The following DMD variants were observed in gnomAD, a reference collection of about 807,000 sequenced individuals.
DMD encodes mutant dystrophin.
In DMD, 63 loss-of-function variants were observed where a neutral mutation model predicts 330.1. The ratio of observed to expected loss-of-function variants is 0.19; its 90% CI spans 0.16 to 0.24. The LOEUF is 0.24. Ranked by LOEUF, DMD falls within the 10% of genes least tolerant of loss-of-function variation. The pLI, the probability that DMD is intolerant of heterozygous loss-of-function variation, is 1.00. For synonymous variants in DMD, 1,223 were observed against 959.8 expected, an observed-to-expected ratio of 1.27 and a Z score of -5.07; for missense variants, 3,344 against 2,684.1, an observed-to-expected ratio of 1.25 and a Z score of -5.43.
At chrX:32,877,619 C>A (rs1244450828) in intron 2 of DMD, among the ~76,000 whole-genome samples, 1 of 111,932 alleles carries the variant, frequency 8.9e-6, no homozygotes, top group Non-Finnish European at 1.9e-5. Context: ...ACCTCCTTGG[C>A]TTTTGTGGTC....
intron 43 of DMD, among the ~76,000 whole-genome samples, chrX:32,240,370 A>G (rs2097203600): frequency 9.0e-6 from 1 of 111,433 alleles, no homozygotes; most frequent in African/African-American, 3.3e-5. Context: ...GTACCCTTAC[A>G]AAAGAGGCCC....
chrX:31,801,590 C>G (rs1032112522), intron 50 of DMD, among the ~76,000 whole-genome samples: 2 of 89,874 alleles, frequency 2.2e-5, no homozygotes, highest in Non-Finnish European at 4.5e-5. Context: ...TCCCCCCCCC[C>G]CAACACACAC....
chrX:31,315,339 C>T (rs1299592428), intron 62 of DMD, among the ~76,000 whole-genome samples: 1 of 111,914 alleles, frequency 8.9e-6, no homozygotes, highest in Non-Finnish European at 1.9e-5. Context: ...AAAAGGAAAG[C>T]CAATTAACAT....
chrX:33,336,233 CT>C (rs1309028539), intron 1 of DMD, among the ~76,000 whole-genome samples: 1,871 of 87,393 alleles, frequency 0.021, 14 homozygotes, highest in African/African-American at 0.024. Context: ...ACAGTTCTGA[CT>C]TTTTTTTTTT....
At chrX:32,707,965 C>G (rs2064833958) in intron 7 of DMD, among the ~76,000 whole-genome samples, 1 of 111,925 alleles carries the variant, frequency 8.9e-6, no homozygotes. Context: ...TTGCTTTTGA[C>G]CTAACCAAAT....
intron 44 of DMD, among the ~76,000 whole-genome samples, chrX:31,991,555 A>G (rs1478670525): frequency 9.1e-6 from 1 of 110,384 alleles, no homozygotes; most frequent in Admixed American, 9.8e-5. Flanking sequence ...ATACGGAGAT[A>G]TCCACATGTC....
At chrX:32,252,911 AATAT>A (rs1175848562) in intron 43 of DMD, among the ~76,000 whole-genome samples, 2 of 80,466 alleles carry the variant, frequency 2.5e-5, no homozygotes, top group African/African-American at 5.1e-5. Flanking sequence ...TATATACATA[AATAT>A]ATATAGATAT....
Position 31,261,012 on chromosome X carries a change from C to T in DMD, c.9229G>A (p.Glu3077Lys), listed in dbSNP as rs2147649555. ...PNKVPYYINH[E>K]TQTTCWDHPK... Reference sequence around the variant, plus strand: ...TGGTCCCAGCAAGTTGTTTGAGTCTCGTGGCTAAAACACAAAACATAAAGA... The same window carrying T: ...TGGTCCCAGCAAGTTGTTTGAGTCTTGTGGCTAAAACACAAAACATAAAGA... Residue 3077 changes from glutamate to lysine, a missense_variant, in exon 63 of 79, where the codon GAG becomes AAG. Physicochemically the swap from Glu to Lys is moderately conservative, Grantham distance 56 (BLOSUM62 1). Transcript: ENST00000357033. 1.7e-6 allele frequency: 2 copies of T among 1,209,514 alleles called. No homozygotes were observed. The highest frequency in any genetic ancestry group is 1.1e-6 in the Non-Finnish European group (1 of 894,031).
intron 21 of DMD, among the ~76,000 whole-genome samples, chrX:32,475,157 GT>G: frequency 9.0e-6 from 1 of 110,892 alleles, no homozygotes; most frequent in East Asian, 2.8e-4. Flanking sequence ...TTGAAGATCA[GT>G]TTGTGTAAGT....
At chrX:31,820,775 T>G (rs58522970) in intron 49 of DMD, among the ~76,000 whole-genome samples, 2,333 of 111,570 alleles carry the variant, frequency 0.021, 60 homozygotes, top group African/African-American at 0.072. Flanking sequence ...CCCCGTGGCA[T>G]AAGGCAAGCC....
intron 67 of DMD, among the ~76,000 whole-genome samples, chrX:31,190,911 C>A (rs1290327988): frequency 9.0e-6 from 1 of 111,614 alleles, no homozygotes; most frequent in Non-Finnish European, 1.9e-5. Context: ...CTCTACAACA[C>A]AGAAACTGGG....
At chrX:32,363,240 C>T (rs1569559769) in intron 36 of DMD, among the ~76,000 whole-genome samples, 1 of 111,478 alleles carries the variant, frequency 9.0e-6, no homozygotes, top group South Asian at 3.8e-4. Context: ...TTATTTAGTC[C>T]GAGGAAGGAC....
chrX:32,390,079 C>A lies in DMD; in HGVS notation c.4336G>T (p.Val1446Phe). 2.5e-6 allele frequency: 3 copies of A among 1,204,200 alleles called. No individual in the cohort carries two copies. Among genetic ancestry groups the A allele is most frequent in the Non-Finnish European group, 3.4e-6 (3 of 888,749 alleles). ...TCTGAAATAACATATACCTGTGCAA[C>A]ATCAATCTGAGACAGGACTCTTTGG... is the stretch of plus-strand genomic sequence containing the variant. ...AAQRVLSQID[V>F]AQKKLQDVSM... The change falls in exon 31 of 79, where the codon GTT (valine) becomes TTT (phenylalanine). Residue 1446 changes from valine to phenylalanine, a missense_variant. Physicochemically the swap from Val to Phe is conservative, Grantham distance 50. Transcript: ENST00000357033.
At chrX:31,323,333 T>C (rs72466559) in intron 62 of DMD, among the ~76,000 whole-genome samples, 2 of 112,198 alleles carry the variant, frequency 1.8e-5, no homozygotes, top group Non-Finnish European at 3.8e-5. Context: ...CTTTTGGTTC[T>C]ATTGTGAAAA....
intron 56 of DMD, among the ~76,000 whole-genome samples, chrX:31,497,910 CTT>C (rs1275243139): frequency 1.8e-5 from 2 of 112,244 alleles, no homozygotes; most frequent in Non-Finnish European, 3.8e-5. Flanking sequence ...ATAATAAAGA[CTT>C]TAACGCTGCA....
intron 44 of DMD, among the ~76,000 whole-genome samples, chrX:31,970,695 A>T (rs1440604722): frequency 9.0e-6 from 1 of 111,147 alleles, no homozygotes; most frequent in East Asian, 2.8e-4. Context: ...ATGCCACTGT[A>T]TGAGAGCAGG....
chrX:33,134,904 G>A (rs1490074546), intron 1 of DMD, among the ~76,000 whole-genome samples: 2 of 111,492 alleles, frequency 1.8e-5, no homozygotes, highest in African/African-American at 3.3e-5. Context: ...TCTCCTATAT[G>A]AGAACAACAT....
chrX:31,816,822 A>AC (rs1193495862), intron 50 of DMD, among the ~76,000 whole-genome samples: 20 of 110,118 alleles, frequency 1.8e-4, no homozygotes, highest in East Asian at 8.5e-4. Flanking sequence ...ACACACACAC[A>AC]AAGAAAAAAG....
chrX:33,102,123 C>T lies in DMD; in HGVS notation c.32-81923G>A, dbSNP rs147130417. Among the ~76,000 whole-genome samples the T allele has an allele frequency of 7.9e-3, 876 of 111,496 alleles. 13 individuals are homozygous for T. The highest frequency in any genetic ancestry group is 0.027 in the African/African-American group (843 of 30,784). On this transcript the variant is annotated intron_variant, in intron 1 of 78. Transcript: ENST00000357033. ...GGCTCACGGACTTCATAGACTGTCA[C>T]GTTTTATTTATTTCAGGTTTGTTGT...
Sources: gnomAD v4.1 joint callset for allele counts (sites outside exome capture counted in the v4.1 genomes callset) on GRCh38, gnomAD v4.1.1 for gene constraint, MANE v1.5 for transcripts, NCBI Gene and HGNC (gene_info 2026-07-23, HGNC 2026-07-21) for gene names.